Variants in SLC22A14 observed in about 807,000 individuals in gnomAD.
SLC22A14 encodes organic cation transporter-like 4.
Under a neutral mutation model 53.9 loss-of-function variants are expected in SLC22A14, and 50 were observed. That is an observed-to-expected ratio of 0.93 (90% CI 0.74 to 1.17). The LOEUF is 1.17. SLC22A14 is among the 50% of genes most tolerant of loss of function. The pLI, the probability that SLC22A14 is intolerant of heterozygous loss-of-function variation, is 0.00. For missense variants in SLC22A14, 671 were observed against 734.7 expected (o/e 0.91, Z 1.00); for synonymous variants, 312 against 303.0 (o/e 1.03, Z -0.31).
intron 4 of SLC22A14, 96 bp from the exon 5 acceptor site, chr3:38,308,858 T>C: frequency 2.7e-6 from 3 of 1,124,542 alleles, no homozygotes; most frequent in Non-Finnish European, 4.0e-6. Flanking sequence ...ATCTCAACTG[T>C]CCAGAGCAGG....
intron 1 of SLC22A14, among the ~76,000 whole-genome samples, chr3:38,286,726 T>G (rs761190359): frequency 3.6e-4 from 28 of 77,286 alleles, no homozygotes; most frequent in East Asian, 2.2e-3. Context: ...TTTGTGTGGG[T>G]TTTTTTTTTG....
At position 38,307,232 on chromosome 3, in the gene SLC22A14, A is replaced by T. The variant is rs780766533; in HGVS notation, c.517-22A>T. 1.9e-6 allele frequency: 3 copies of T among 1,583,302 alleles called. No homozygotes were observed. In the South Asian group the frequency reaches 3.3e-5, roughly 17 times the overall value. On this transcript the variant is annotated intron_variant, in intron 2 of 10. Transcript: ENST00000448498. This position sits in a 1 kb window ranked among gnomAD's most constrained non-coding sequence, Gnocchi z 4.4. ...GACCCAAAGGTGGGCACCCGTGGCC[A>T]ATCTCTGTGTCTGACCCACAGTTTG...
At chr3:38,312,155 G>A (rs1334444766) in intron 5 of SLC22A14, among the ~76,000 whole-genome samples, 1 of 152,102 alleles carries the variant, frequency 6.6e-6, no homozygotes, top group African/African-American at 2.4e-5. Context: ...GAAATCAGCA[G>A]GCACAGTTTT....
At chr3:38,291,447 AGTT>A (rs756464291) in intron 1 of SLC22A14, among the ~76,000 whole-genome samples, 17 of 152,356 alleles carry the variant, frequency 1.1e-4, no homozygotes, top group Non-Finnish European at 2.1e-4. Context: ...TTAAGCAAAA[AGTT>A]GTCTGACAGC....
In SLC22A14 at chr3:38,306,109, A is replaced by T. The variant is rs770378599; in HGVS notation, c.83A>T (p.His28Leu). 1.9e-6 allele frequency: 3 copies of T among 1,614,030 alleles called. No homozygotes were observed. The African/African-American group carries it at 4.0e-5, about 22-fold the overall frequency. The change falls in exon 2 of 11, where the codon CAT becomes CTT. Residue 28 changes from histidine (H) to leucine (L), a missense_variant. Transcript: ENST00000448498. ...TTGAACCAGCATGAGGTAGCAGGAC[A>T]TCCACATTCCTGGTCTCTGGAGATG... ...RNLNQHEVAG[H>L]PHSWSLEMLL... is the part of the protein sequence containing the mutation.
Position 38,318,393 on chromosome 3 carries a change from G to A in SLC22A14, c.*144G>A, listed in dbSNP as rs1166747651. 3.2e-5 allele frequency: 25 copies of A among 773,942 alleles called. No individual in the cohort carries two copies. In the African/African-American group the frequency reaches 3.9e-4, roughly 12 times the overall value. The allele number at this position is 773,942 out of a possible 1,614,324, so 47.9% of individuals were successfully genotyped here. On this transcript the variant is annotated 3_prime_UTR_variant, in exon 11 of 11. Coordinates refer to ENST00000448498, the MANE Select transcript of SLC22A14 (RefSeq NM_001320033.2). Reference sequence around the variant, plus strand: ...GGGCCAGGCCCCCAGACCATCTTGGGTTGGAATTGAGTGGCCAAGTATGGG... The same window carrying A: ...GGGCCAGGCCCCCAGACCATCTTGGATTGGAATTGAGTGGCCAAGTATGGG...
rs753565864 is a variant in SLC22A14, at chr3:38,315,562, G to A, written c.1383G>A (p.Glu461=). ...GAACTCCTTCACCCACCCCAGGGGA[G>A]GATGGCCTCAGACTCAAGTGGCCAC... is the stretch of plus-strand genomic sequence containing the variant. ...CLLLLFLPEG[E]DGLRLKWPRC... is the part of the protein sequence containing the mutation. Residue 461 remains glutamate, a synonymous_variant, in exon 9 of 11, where the codon GAG becomes GAA. Coordinates refer to ENST00000448498, the MANE Select transcript of SLC22A14 (RefSeq NM_001320033.2). 2 of 1,613,716 alleles carry A rather than the reference G, an allele frequency of 1.2e-6. No homozygotes were observed. Among genetic ancestry groups the A allele is most frequent in the South Asian group, 2.2e-5 (2 of 91,044 alleles).
rs758573513 is a variant in SLC22A14, at chr3:38,316,371, T to C, written c.1580T>C (p.Ile527Thr). Residue 527 changes from isoleucine (I) to threonine (T), a missense_variant, in exon 10 of 11, where the codon ATC (isoleucine) becomes ACC (threonine). Transcript: ENST00000448498. The part of the protein sequence containing the change: ...LVSLASVAGA[I>T]LSLTIISQTP... ...TCTCTGGCCTCGGTGGCTGGAGCCATCTTGTCCCTGACAATCATCAGCCAG... is the reference window on the plus strand; with the variant it reads ...TCTCTGGCCTCGGTGGCTGGAGCCACCTTGTCCCTGACAATCATCAGCCAG... 2 of 1,614,110 alleles carry C rather than the reference T, an allele frequency of 1.2e-6. No homozygotes were observed. The highest frequency in any genetic ancestry group is 2.2e-5 in the South Asian group (2 of 91,066).
chr3:38,293,074 A>G (rs1575405302), intron 1 of SLC22A14, among the ~76,000 whole-genome samples: 3 of 152,080 alleles, frequency 2.0e-5, no homozygotes, highest in Non-Finnish European at 2.9e-5. Flanking sequence ...GGGTGATGGC[A>G]TGGGCTGGTG....
chr3:38,311,405 A>G (rs1704464563), intron 5 of SLC22A14, among the ~76,000 whole-genome samples: 1 of 152,236 alleles, frequency 6.6e-6, no homozygotes, highest in Non-Finnish European at 1.5e-5. Flanking sequence ...TCCTTATCAA[A>G]CAGTAGCTTG....
Position 38,307,720 on chromosome 3 carries a change from G to A in SLC22A14, c.775G>A (p.Ala259Thr), listed in dbSNP as rs758394182. The A allele has an allele frequency of 6.2e-7, 1 of 1,613,994 alleles. No individual in the cohort carries two copies. The highest frequency in any genetic ancestry group is 1.1e-5 in the South Asian group (1 of 91,070). Residue 259 changes from alanine to threonine, a missense_variant and splice_region_variant, in exon 4 of 11, where the codon GCC (alanine) becomes ACC (threonine). Ala to Thr is a moderately conservative substitution (Grantham distance 58). Transcript: ENST00000448498. This position sits in a 1 kb window ranked among gnomAD's most constrained non-coding sequence, Gnocchi z 4.4. ...CTACGCCATCAGCAGCATTTCTTTG[G>A]GTGAGACTGGGCCTCAATGGGGCAG... ...VGYAISSISL[A>T]TEWLVGEHRA...
At chr3:38,310,396 T>G (rs1171389851) in intron 5 of SLC22A14, among the ~76,000 whole-genome samples, 2 of 152,082 alleles carry the variant, frequency 1.3e-5, no homozygotes, top group Non-Finnish European at 2.9e-5. Flanking sequence ...TTCAGTCCAG[T>G]TCAATTAAAA....
intron 9 of SLC22A14, 26 bp from the exon 10 acceptor site, chr3:38,316,298 A>G: frequency 6.2e-7 from 1 of 1,611,776 alleles, no homozygotes; most frequent in Non-Finnish European, 8.5e-7. Context: ...CAGACCCCTC[A>G]CAGGAGCTCT....
At chr3:38,304,046 C>G (rs1704235052) in intron 1 of SLC22A14, among the ~76,000 whole-genome samples, 1 of 151,814 alleles carries the variant, frequency 6.6e-6, no homozygotes, top group African/African-American at 2.4e-5. Flanking sequence ...AAAAAATTAG[C>G]CGGGCGTGGT....
intron 1 of SLC22A14, among the ~76,000 whole-genome samples, chr3:38,286,337 G>T (rs1703790972): frequency 6.6e-6 from 1 of 152,054 alleles, no homozygotes; most frequent in Non-Finnish European, 1.5e-5. Flanking sequence ...AAGAGGTTGA[G>T]CATCTTCACA....
intron 1 of SLC22A14, among the ~76,000 whole-genome samples, chr3:38,297,499 A>G (rs552123308): frequency 1.3e-5 from 2 of 151,872 alleles, no homozygotes; most frequent in Admixed American, 1.3e-4. Flanking sequence ...CATGTGCAGG[A>G]TGTGCAGATT....
intron 9 of SLC22A14, among the ~76,000 whole-genome samples, chr3:38,315,931 G>C (rs1704607018): frequency 1.3e-5 from 2 of 152,320 alleles, no homozygotes; most frequent in African/African-American, 4.8e-5. Context: ...ACTCGATTAA[G>C]GGCAGACAGA....
intron 1 of SLC22A14, among the ~76,000 whole-genome samples, chr3:38,291,979 C>A (rs1165602835): frequency 1.3e-5 from 2 of 152,222 alleles, no homozygotes; most frequent in Non-Finnish European, 2.9e-5. Context: ...TGGATACATT[C>A]TTCACTGAGG....
chr3:38,317,564 C>T (rs1319232482), intron 10 of SLC22A14, among the ~76,000 whole-genome samples: 1 of 152,120 alleles, frequency 6.6e-6, no homozygotes, highest in Non-Finnish European at 1.5e-5. Flanking sequence ...TTCAGCGCCG[C>T]ACGGGAAGAG....
Sources: allele counts gnomAD v4.1 joint callset (sites outside exome capture counted in the v4.1 genomes callset), GRCh38; gene constraint gnomAD v4.1.1; non-coding constraint Gnocchi (gnomAD v3.1); transcripts MANE v1.5; gene names NCBI Gene and HGNC (gene_info 2026-07-23, HGNC 2026-07-21).